The following ADAM18 variants were observed in gnomAD, a reference collection of about 807,000 sequenced individuals.
ADAM18 encodes ADAM metallopeptidase domain 18.
A neutral mutation model predicts 94.4 loss-of-function variants in ADAM18; 117 were observed. The observed-to-expected ratio is 1.24, with a 90% CI of 1.07 to 1.45. The LOEUF (loss-of-function observed/expected upper bound fraction) is 1.45, where lower values mean the gene tolerates loss of function less well. Ranked by LOEUF, ADAM18 falls within the 40% of genes most tolerant of loss-of-function variation. The pLI is 0.00. For missense variants in ADAM18, 936 were observed against 880.0 expected, an observed-to-expected ratio of 1.06 and a Z score of -0.81; for synonymous variants, 327 against 291.6, an observed-to-expected ratio of 1.12 and a Z score of -1.24.
At chr8:39,702,301 G>C (rs937530229) in intron 17 of ADAM18, among the ~76,000 whole-genome samples, 1 of 151,900 alleles carries the variant, frequency 6.6e-6, no homozygotes, top group African/African-American at 2.4e-5. Context: ...TTTTTGAAAA[G>C]TTTCTGTTCA....
chr8:39,672,839 C>T (rs985310535), intron 14 of ADAM18, among the ~76,000 whole-genome samples: 3 of 152,140 alleles, frequency 2.0e-5, no homozygotes, highest in African/African-American at 7.2e-5. Flanking sequence ...TATCCAGAAG[C>T]CCAATGTGAT....
chr8:39,701,112 T>C (rs1216658115), intron 17 of ADAM18, among the ~76,000 whole-genome samples: 1 of 38,490 alleles, frequency 2.6e-5, no homozygotes, highest in Admixed American at 4.9e-4. Flanking sequence ...AGCAAGACTC[T>C]GTCTCAAAAA....
intron 2 of ADAM18, among the ~76,000 whole-genome samples, chr8:39,592,043 C>T (rs982838973): frequency 6.6e-6 from 1 of 152,132 alleles, no homozygotes; most frequent in African/African-American, 2.4e-5. Context: ...TCTCAACAGT[C>T]AGCTTCAAAT....
chr8:39,699,651 A>G (rs531695735), intron 17 of ADAM18, among the ~76,000 whole-genome samples: 5 of 152,156 alleles, frequency 3.3e-5, no homozygotes, highest in Non-Finnish European at 7.4e-5. Context: ...ACAGTTTTTC[A>G]TCTAATAACT....
chr8:39,609,054 C>A lies in ADAM18; in HGVS notation c.201C>A (p.Pro67=). 1 of 1,574,174 alleles carries A rather than the reference C, an allele frequency of 6.4e-7. No homozygotes were observed. The highest frequency in any genetic ancestry group is 8.6e-7 in the Non-Finnish European group (1 of 1,158,366). ...CTTGGTTTTTTAGATCATTCTTACC[C>A]CAGAACTTTTTGGTTTATACATATA... is the stretch of plus-strand genomic sequence containing the variant. ...TLHLGKQSFL[P]QNFLVYTYNE... The change falls in exon 4 of 20, where the codon CCC becomes CCA. Residue 67 remains proline, a synonymous_variant. Transcript: ENST00000265707.
intron 16 of ADAM18, among the ~76,000 whole-genome samples, chr8:39,682,255 C>T (rs2129580602): frequency 6.6e-6 from 1 of 152,242 alleles, no homozygotes; most frequent in South Asian, 2.1e-4. Flanking sequence ...CAGCAGAAGC[C>T]TAAGGTAGAA....
At chr8:39,659,533 G>T (rs964634171) in intron 12 of ADAM18, among the ~76,000 whole-genome samples, 1 of 152,010 alleles carries the variant, frequency 6.6e-6, no homozygotes, top group Non-Finnish European at 1.5e-5. Context: ...TAATCAATGA[G>T]ATGTCTCTGA....
chr8:39,680,716 C>T lies in ADAM18; in HGVS notation c.1821+490C>T, dbSNP rs150713533. Among the ~76,000 whole-genome samples the T allele has an allele frequency of 7.9e-3, 1,196 of 152,262 alleles. 16 individuals carry two copies. Among genetic ancestry groups the T allele is most frequent in the African/African-American group, 0.027 (1,132 of 41,554 alleles). On this transcript the variant is annotated intron_variant, in intron 16 of 19. Transcript: ENST00000265707. ...CATGAATATATATGAACACTTCTAT[C>T]TATGTAGTCATAACATAAAAAGAGA...
intron 7 of ADAM18, among the ~76,000 whole-genome samples, chr8:39,631,603 T>G (rs1324682935): frequency 6.6e-6 from 1 of 152,014 alleles, no homozygotes; most frequent in Non-Finnish European, 1.5e-5. Context: ...GTTATATAAT[T>G]TATTTGGTTT....
chr8:39,715,763 T>C (rs188046633), intron 18 of ADAM18, among the ~76,000 whole-genome samples: 2 of 152,194 alleles, frequency 1.3e-5, no homozygotes, highest in African/African-American at 2.4e-5. Context: ...ATAATTCTAA[T>C]AGGCCTATAC....
chr8:39,671,706 T>G (rs1276844728), intron 14 of ADAM18, among the ~76,000 whole-genome samples: 1 of 152,178 alleles, frequency 6.6e-6, no homozygotes, highest in Non-Finnish European at 1.5e-5. Flanking sequence ...CCCCCGTCCC[T>G]CTTCATAACA....
chr8:39,594,728 A>G (rs1818685699), intron 2 of ADAM18, among the ~76,000 whole-genome samples: 1 of 138,150 alleles, frequency 7.2e-6, no homozygotes, highest in Non-Finnish European at 1.6e-5. Flanking sequence ...TTCTTTCATT[A>G]CTTTCAAGAT....
At chr8:39,648,288 T>G in intron 11 of ADAM18, 56 bp from the exon 12 acceptor site, 1 of 1,424,226 alleles carries the variant, frequency 7.0e-7, no homozygotes, top group Non-Finnish European at 9.4e-7. Context: ...GAGTGTTGTT[T>G]AGATGTGGTT....
chr8:39,725,702 G>A (rs1370988158), intron 19 of ADAM18, among the ~76,000 whole-genome samples: 1 of 152,136 alleles, frequency 6.6e-6, no homozygotes, highest in Non-Finnish European at 1.5e-5. Flanking sequence ...TGTTAAGGAT[G>A]AGTAATCTTC....
chr8:39,687,163 A>G (rs1453447077), intron 16 of ADAM18, among the ~76,000 whole-genome samples: 3 of 152,228 alleles, frequency 2.0e-5, no homozygotes, highest in Non-Finnish European at 4.4e-5. Context: ...ATATATAGGA[A>G]GTTCTTGTGC....
chr8:39,675,000 T>C (rs1379154511), intron 14 of ADAM18, among the ~76,000 whole-genome samples: 1 of 152,224 alleles, frequency 6.6e-6, no homozygotes, highest in East Asian at 1.9e-4. Flanking sequence ...CCACTGTTAG[T>C]CTGATGGGCT....
At chr8:39,664,195 A>T (rs1202542299) in intron 13 of ADAM18, among the ~76,000 whole-genome samples, 1 of 152,216 alleles carries the variant, frequency 6.6e-6, no homozygotes, top group Non-Finnish European at 1.5e-5. Context: ...CTATTAGCAA[A>T]TAATTCCTTT....
intron 16 of ADAM18, among the ~76,000 whole-genome samples, chr8:39,683,576 C>T (rs926428423): frequency 6.6e-6 from 1 of 152,216 alleles, no homozygotes; most frequent in Non-Finnish European, 1.5e-5. Context: ...ATATCCTCAA[C>T]AGCATTTGGT....
intron 2 of ADAM18, among the ~76,000 whole-genome samples, chr8:39,588,910 A>G (rs1181660227): frequency 6.6e-6 from 1 of 152,222 alleles, no homozygotes; most frequent in Admixed American, 6.5e-5. Context: ...AGATATGGTC[A>G]GGAAGTAGGC....
Sources: gnomAD v4.1 joint callset for allele counts (sites outside exome capture counted in the v4.1 genomes callset) on GRCh38, gnomAD v4.1.1 for gene constraint, MANE v1.5 for transcripts, NCBI Gene and HGNC (gene_info 2026-07-23, HGNC 2026-07-21) for gene names.